MGMT: variants seen among roughly 807,000 people sequenced by gnomAD.
MGMT encodes O-6-methylguanine-DNA methyltransferase.
MGMT carries 14 observed loss-of-function variants against 15.9 expected under a neutral mutation model. That is an observed-to-expected ratio of 0.88 (90% CI 0.58 to 1.37). The LOEUF is 1.37. Among genes scored for constraint, MGMT ranks in the 40% most tolerant of loss-of-function variants. MGMT has a pLI of 0.00. For synonymous variants in MGMT, 130 were observed against 118.2 expected (o/e 1.10, Z -0.65); for missense variants, 282 against 268.1 (o/e 1.05, Z -0.36).
At chr10:129,478,202 G>T (rs1329492630) in intron 1 of MGMT, among the ~76,000 whole-genome samples, 1 of 137,228 alleles carries the variant, frequency 7.3e-6, no homozygotes, top group Non-Finnish European at 1.6e-5. Context: ...GTCTCTACAG[G>T]TTCATTGGGA....
At chr10:129,549,304 G>A (rs528648872) in intron 2 of MGMT, among the ~76,000 whole-genome samples, 1 of 152,224 alleles carries the variant, frequency 6.6e-6, no homozygotes, top group South Asian at 2.1e-4. Context: ...TTGCATCAGA[G>A]TTTTCAAGAG....
intron 2 of MGMT, among the ~76,000 whole-genome samples, chr10:129,590,280 A>G (rs1001401585): frequency 4.6e-5 from 7 of 152,352 alleles, no homozygotes; most frequent in African/African-American, 1.4e-4. Context: ...TTCACTTTAT[A>G]GTTCAGTTGC....
At chr10:129,643,670 A>G (rs1397565230) in intron 2 of MGMT, among the ~76,000 whole-genome samples, 1 of 152,174 alleles carries the variant, frequency 6.6e-6, no homozygotes, top group Non-Finnish European at 1.5e-5. Flanking sequence ...TTCACCCAGA[A>G]ACAACGATTT....
At chr10:129,729,515 A>C (rs1848472766) in intron 3 of MGMT, among the ~76,000 whole-genome samples, 1 of 152,162 alleles carries the variant, frequency 6.6e-6, no homozygotes. Flanking sequence ...TTGGAGCCGG[A>C]TTCCATCACT....
chr10:129,520,862 C>T (rs1303992190), intron 1 of MGMT, among the ~76,000 whole-genome samples: 4 of 149,772 alleles, frequency 2.7e-5, no homozygotes, highest in East Asian at 2.0e-4. Context: ...CCATATGGTG[C>T]GGGTACAGAG....
At chr10:129,668,574 G>T (rs1400439950) in intron 2 of MGMT, among the ~76,000 whole-genome samples, 1 of 152,156 alleles carries the variant, frequency 6.6e-6, no homozygotes, top group Non-Finnish European at 1.5e-5. Context: ...CTGTTTCTCA[G>T]TTGTCTATTC....
chr10:129,763,935 T>C (rs1470357081), intron 4 of MGMT, among the ~76,000 whole-genome samples: 1 of 152,218 alleles, frequency 6.6e-6, no homozygotes, highest in Non-Finnish European at 1.5e-5. Context: ...TCCCATGTCA[T>C]AGTCGTCAGA....
chr10:129,559,872 G>T (rs1205848053), intron 2 of MGMT, among the ~76,000 whole-genome samples: 5 of 152,150 alleles, frequency 3.3e-5, no homozygotes, highest in Non-Finnish European at 5.9e-5. Flanking sequence ...AAAGGACACA[G>T]AATTTTAGCA....
At chr10:129,508,609 G>C (rs1036413170) in intron 1 of MGMT, among the ~76,000 whole-genome samples, 11 of 150,560 alleles carry the variant, frequency 7.3e-5, no homozygotes, top group Non-Finnish European at 7.4e-5. Context: ...GCAGTGGTGC[G>C]ATCTTGGCTC....
chr10:129,728,446 G>T (rs973443640), intron 3 of MGMT, among the ~76,000 whole-genome samples: 2 of 152,140 alleles, frequency 1.3e-5, no homozygotes, highest in African/African-American at 2.4e-5. Context: ...GTCCATAATG[G>T]TGGTGATTGC....
chr10:129,542,979 G>A (rs977867290), intron 2 of MGMT, among the ~76,000 whole-genome samples: 1 of 152,208 alleles, frequency 6.6e-6, no homozygotes, highest in Non-Finnish European at 1.5e-5. Context: ...AACATTTATA[G>A]TGCAGTGTCC....
chr10:129,474,762 T>C (rs1301118374), intron 1 of MGMT, among the ~76,000 whole-genome samples: 1 of 152,032 alleles, frequency 6.6e-6, no homozygotes, highest in Non-Finnish European at 1.5e-5. Context: ...AAATTAGAAA[T>C]AGTGTGTGCT....
At chr10:129,528,268 A>T (rs1257846876) in intron 1 of MGMT, among the ~76,000 whole-genome samples, 1 of 152,180 alleles carries the variant, frequency 6.6e-6, no homozygotes, top group South Asian at 2.1e-4. Flanking sequence ...AACCAGCCCA[A>T]CGTTCCTGTT....
chr10:129,504,089 G>A (rs1845601645), intron 1 of MGMT, among the ~76,000 whole-genome samples: 1 of 152,094 alleles, frequency 6.6e-6, no homozygotes, highest in Admixed American at 6.5e-5. Flanking sequence ...CCATCTACAT[G>A]TACTATTTAA....
chr10:129,723,648 T>C (rs900191923), intron 3 of MGMT, among the ~76,000 whole-genome samples: 3 of 152,082 alleles, frequency 2.0e-5, no homozygotes, highest in African/African-American at 7.2e-5. Context: ...ACAAAGGACT[T>C]CTAAGAAGGG....
chr10:129,683,849 A>G (rs1027833584), intron 2 of MGMT, among the ~76,000 whole-genome samples: 1 of 152,242 alleles, frequency 6.6e-6, no homozygotes. Flanking sequence ...AAATCTGTAG[A>G]TGGCAGTCTG....
Position 129,744,698 on chromosome 10 carries a change from C to A in MGMT, c.275-14504C>A, listed in dbSNP as rs373227304. ...CTGCAGGCACCTCCTCCCGCTCACT[C>A]TCAGTGTGCGCCTCCACAGGGACCA... On this transcript the variant is annotated intron_variant, in intron 3 of 4. Transcript: ENST00000651593. 9.8e-5 allele frequency among the ~76,000 whole-genome samples: 15 copies of A among 152,334 alleles called. No homozygotes were observed. In the East Asian group the frequency reaches 2.7e-3, roughly 28 times the overall value.
intron 2 of MGMT, among the ~76,000 whole-genome samples, chr10:129,576,379 A>G (rs1260484244): frequency 1.3e-5 from 2 of 152,242 alleles, no homozygotes; most frequent in South Asian, 2.1e-4. Flanking sequence ...GGCTGGTTCA[A>G]TATACGCAAA....
chr10:129,622,226 A>G (rs1847098747), intron 2 of MGMT, among the ~76,000 whole-genome samples: 1 of 152,216 alleles, frequency 6.6e-6, no homozygotes, highest in Admixed American at 6.5e-5. Context: ...GATTAGCAGT[A>G]TGTTGCCCTT....
Sources: gnomAD v4.1 joint callset for allele counts (sites outside exome capture counted in the v4.1 genomes callset) on GRCh38, gnomAD v4.1.1 for gene constraint, MANE v1.5 for transcripts, NCBI Gene and HGNC (gene_info 2026-07-23, HGNC 2026-07-21) for gene names.